Variants in STPG2 observed in about 807,000 individuals in gnomAD.
The protein encoded by STPG2 is sperm tail PG-rich repeat containing 2.
In STPG2, 56 loss-of-function variants were observed where a neutral mutation model predicts 54.2. The ratio of observed to expected loss-of-function variants is 1.03; its 90% CI spans 0.83 to 1.29. STPG2 has a LOEUF of 1.29. Among genes scored for constraint, STPG2 ranks in the 50% most tolerant of loss-of-function variants. STPG2 has a pLI of 0.00. For missense variants in STPG2, 596 were observed against 544.9 expected (o/e 1.09, Z -0.93); for synonymous variants, 200 against 181.8 (o/e 1.10, Z -0.81).
At chr4:98,138,610 GACA>G (rs1490156185) in intron 1 of STPG2, among the ~76,000 whole-genome samples, 1 of 151,864 alleles carries the variant, frequency 6.6e-6, no homozygotes, top group African/African-American at 2.4e-5. Flanking sequence ...TCATCTTCAG[GACA>G]ACAACATATA....
At chr4:97,791,143 G>C (rs1441143939) in intron 9 of STPG2, among the ~76,000 whole-genome samples, 1 of 152,046 alleles carries the variant, frequency 6.6e-6, no homozygotes, top group Non-Finnish European at 1.5e-5. Flanking sequence ...AAACCTTGTG[G>C]GTAAGGTATG....
At chr4:97,860,710 G>C (rs532051359) in intron 8 of STPG2, among the ~76,000 whole-genome samples, 1 of 151,928 alleles carries the variant, frequency 6.6e-6, no homozygotes, top group East Asian at 1.9e-4. Flanking sequence ...ATACATGACC[G>C]TATCATCAGC....
intron 10 of STPG2, among the ~76,000 whole-genome samples, chr4:97,637,584 C>G (rs1424409027): frequency 6.6e-6 from 1 of 152,244 alleles, no homozygotes; most frequent in South Asian, 2.1e-4. Flanking sequence ...GATTGTATAT[C>G]TAGAAAACTC....
chr4:97,915,423 C>T (rs1233025431), intron 8 of STPG2, among the ~76,000 whole-genome samples: 1 of 152,090 alleles, frequency 6.6e-6, no homozygotes. Context: ...TAAGTAACCA[C>T]CTCCAAAGCT....
rs183703158 is a variant in STPG2, at chr4:98,043,195, C to T, written c.613-61877G>A. On this transcript the variant is annotated intron_variant, in intron 5 of 10. Transcript: ENST00000295268. ...ATTTGCATGGAATATCCTTTTCCATCTTTTCACTTTTAGCATATGTGTATC... is the reference window on the plus strand; with the variant it reads ...ATTTGCATGGAATATCCTTTTCCATTTTTTCACTTTTAGCATATGTGTATC... Among the ~76,000 whole-genome samples, 549 of 152,116 alleles carry T rather than the reference C, an allele frequency of 3.6e-3. 2 individuals are homozygous for T. Among genetic ancestry groups the T allele is most frequent in the Middle Eastern group, 0.014 (4 of 294 alleles).
At chr4:97,615,107 A>G (rs886708424) in intron 10 of STPG2, among the ~76,000 whole-genome samples, 3 of 152,132 alleles carry the variant, frequency 2.0e-5, no homozygotes, top group Non-Finnish European at 4.4e-5. Flanking sequence ...TGGTTTCACC[A>G]TTCTTCCACT....
At position 97,733,740 on chromosome 4, in the gene STPG2, G is replaced by A. The variant is rs72684478; in HGVS notation, c.1205-20926C>T. On this transcript the variant is annotated intron_variant, in intron 9 of 10. Coordinates refer to ENST00000295268, the MANE Select transcript of STPG2 (RefSeq NM_174952.3). ...GGCCAGGTGCTGGTCCGGTTGCTCAGCAACTCCATGCAGGGTTCCCAGCTC... is the reference window on the plus strand; with the variant it reads ...GGCCAGGTGCTGGTCCGGTTGCTCAACAACTCCATGCAGGGTTCCCAGCTC... 3.2e-3 allele frequency among the ~76,000 whole-genome samples: 487 copies of A among 152,226 alleles called. 2 individuals are homozygous for A. The highest frequency in any genetic ancestry group is 5.7e-3 in the Non-Finnish European group (388 of 68,028).
intron 9 of STPG2, among the ~76,000 whole-genome samples, chr4:97,828,767 G>A (rs572612636): frequency 4.6e-5 from 7 of 152,262 alleles, no homozygotes; most frequent in African/African-American, 1.2e-4. Context: ...CAGTGTAAAC[G>A]AAGTTCGAAC....
intron 5 of STPG2, among the ~76,000 whole-genome samples, chr4:97,999,900 A>G (rs1735360524): frequency 6.6e-6 from 1 of 152,210 alleles, no homozygotes; most frequent in African/African-American, 2.4e-5. Flanking sequence ...TTGTATATAC[A>G]TGGCATCTGA....
chr4:97,678,424 G>A (rs1722921950), intron 10 of STPG2, among the ~76,000 whole-genome samples: 1 of 151,892 alleles, frequency 6.6e-6, no homozygotes, highest in South Asian at 2.1e-4. Context: ...ATAGTTTAGG[G>A]TAGATATATT....
chr4:97,853,189 A>T (rs1397745137), intron 8 of STPG2, among the ~76,000 whole-genome samples: 1 of 151,684 alleles, frequency 6.6e-6, no homozygotes, highest in African/African-American at 2.4e-5. Flanking sequence ...CGTGGTCTAG[A>T]TCTCCTGGCC....
intron 5 of STPG2, among the ~76,000 whole-genome samples, chr4:98,019,715 C>T (rs1200811200): frequency 7.8e-6 from 1 of 128,720 alleles, no homozygotes; most frequent in Admixed American, 7.4e-5. Flanking sequence ...TGTAGTTCTC[C>T]TTGAAGAGGT....
chr4:97,964,141 A>G (rs770368213), intron 7 of STPG2, among the ~76,000 whole-genome samples: 1 of 152,252 alleles, frequency 6.6e-6, no homozygotes, highest in African/African-American at 2.4e-5. Context: ...CTCCTGAGTC[A>G]GAGACAAAGG....
At chr4:97,532,797 C>T (rs1432693611) in intron 4 of STPG2, among the ~76,000 whole-genome samples, 3 of 152,154 alleles carry the variant, frequency 2.0e-5, no homozygotes, top group Admixed American at 6.5e-5. Context: ...AGAGAAGATA[C>T]ACATTTAAAC....
chr4:97,799,302 T>A (rs1349609028), intron 9 of STPG2, among the ~76,000 whole-genome samples: 2 of 152,224 alleles, frequency 1.3e-5, no homozygotes, highest in African/African-American at 2.4e-5. Flanking sequence ...GTTTGGCATG[T>A]TTTTGCAGTG....
chr4:97,527,379 T>A (rs569399868), intron 4 of STPG2, among the ~76,000 whole-genome samples: 1 of 152,314 alleles, frequency 6.6e-6, no homozygotes, highest in Admixed American at 6.5e-5. Flanking sequence ...ATGTGCCACA[T>A]TTTCTTTATC....
intron 9 of STPG2, among the ~76,000 whole-genome samples, chr4:97,797,614 A>T (rs997593906): frequency 6.6e-6 from 1 of 152,166 alleles, no homozygotes; most frequent in African/African-American, 2.4e-5. Context: ...TGATTTTTGC[A>T]TTGATGTTCA....
chr4:97,510,421 A>G (rs1234042707), intron 4 of STPG2, among the ~76,000 whole-genome samples: 1 of 152,162 alleles, frequency 6.6e-6, no homozygotes. Flanking sequence ...ATTCTAAATT[A>G]TCTAATAATC....
intron 5 of STPG2, among the ~76,000 whole-genome samples, chr4:98,082,831 C>T (rs1738391313): frequency 6.6e-6 from 1 of 152,080 alleles, no homozygotes; most frequent in African/African-American, 2.4e-5. Flanking sequence ...TTCATTGACT[C>T]CCTTTTGCCA....
Sources: gnomAD v4.1 joint callset for allele counts (sites outside exome capture counted in the v4.1 genomes callset) on GRCh38, gnomAD v4.1.1 for gene constraint, MANE v1.5 for transcripts, NCBI Gene and HGNC (gene_info 2026-07-23, HGNC 2026-07-21) for gene names.